GPATCH2: variants seen among roughly 807,000 people sequenced by gnomAD.
The protein encoded by GPATCH2 is G-patch domain containing 2.
A neutral mutation model predicts 58.0 loss-of-function variants in GPATCH2; 51 were observed. That is an observed-to-expected ratio of 0.88 (90% CI 0.70 to 1.11). The LOEUF (loss-of-function observed/expected upper bound fraction) is 1.11, where lower values mean the gene tolerates loss of function less well. Among genes scored for constraint, GPATCH2 ranks in the 50% most tolerant of loss-of-function variants. The pLI is 0.00. For missense variants in GPATCH2, 625 were observed against 652.2 expected, an observed-to-expected ratio of 0.96 and a Z score of 0.45; for synonymous variants, 222 against 218.5, an observed-to-expected ratio of 1.02 and a Z score of -0.14.
Position 217,621,764 on chromosome 1 carries a change from G to A in GPATCH2, c.57-1265C>T, listed in dbSNP as rs117843889. On this transcript the variant is annotated intron_variant, in intron 1 of 9. Coordinates refer to ENST00000366935, the MANE Select transcript of GPATCH2 (RefSeq NM_018040.5). ...CTTATAACAGCTTTCAACTTTTGTC[G>A]TTTCATTTTAATAACCTAAAAACAA... Among the ~76,000 whole-genome samples the A allele has an allele frequency of 4.1e-4, 62 of 152,170 alleles. 1 individual carries two copies. The highest frequency in any genetic ancestry group is 1.4e-3 in the East Asian group (7 of 5,184).
chr1:217,564,074 A>G (rs1666075201), intron 5 of GPATCH2, among the ~76,000 whole-genome samples: 1 of 147,278 alleles, frequency 6.8e-6, no homozygotes, highest in Non-Finnish European at 1.5e-5. Context: ...AAAAAAAAGA[A>G]GTATGTATAA....
intron 8 of GPATCH2, among the ~76,000 whole-genome samples, chr1:217,478,575 ACAGT>A (rs1661068953): frequency 6.6e-6 from 1 of 152,144 alleles, no homozygotes; most frequent in Non-Finnish European, 1.5e-5. Flanking sequence ...CTAAAAATAC[ACAGT>A]CAGAAGAGAC....
chr1:217,526,646 TCA>T (rs527735968), intron 5 of GPATCH2, among the ~76,000 whole-genome samples: 21 of 152,318 alleles, frequency 1.4e-4, no homozygotes, highest in African/African-American at 5.1e-4. Context: ...AAGTAAATAA[TCA>T]CAGTCAGACT....
At chr1:217,531,789 A>G (rs1664202234) in intron 5 of GPATCH2, among the ~76,000 whole-genome samples, 1 of 152,186 alleles carries the variant, frequency 6.6e-6, no homozygotes, top group African/African-American at 2.4e-5. Flanking sequence ...AAGAAATTTG[A>G]TGACAGAAAG....
chr1:217,476,376 A>G (rs1213586473), intron 8 of GPATCH2, among the ~76,000 whole-genome samples: 1 of 152,046 alleles, frequency 6.6e-6, no homozygotes, highest in East Asian at 1.9e-4. Context: ...CACCAATGTA[A>G]CAACTATCTA....
At chr1:217,498,154 T>C (rs1486532216) in intron 7 of GPATCH2, 7 of 657,426 alleles carry the variant, frequency 1.1e-5, no homozygotes, top group Non-Finnish European at 1.9e-5. Flanking sequence ...ACAGTGGCAG[T>C]AAAGGAAAGA....
At position 217,609,820 on chromosome 1, in the gene GPATCH2, G is replaced by A. The variant is rs1296716722; in HGVS notation, c.1098+501C>T. 3 of 994,304 alleles carry A rather than the reference G, an allele frequency of 3.0e-6. No homozygotes were observed. In the East Asian group the frequency reaches 2.9e-4, roughly 97 times the overall value. The allele number at this position is 994,304 out of a possible 1,614,324, so 61.6% of individuals were successfully genotyped here. Reference sequence around the variant, plus strand: ...TTAAGGAATACTTGTCGATCTGGAAGTTTAAAATTTTCTAGCTTTGTTAGC... The same window carrying A: ...TTAAGGAATACTTGTCGATCTGGAAATTTAAAATTTTCTAGCTTTGTTAGC... On this transcript the variant is annotated intron_variant, in intron 5 of 9. Transcript: ENST00000366935.
chr1:217,591,201 T>C (rs1166781271), intron 5 of GPATCH2, among the ~76,000 whole-genome samples: 2 of 152,200 alleles, frequency 1.3e-5, no homozygotes, highest in East Asian at 1.9e-4. Context: ...GGAACATATA[T>C]ATATGATGAA....
At chr1:217,609,516 A>G in intron 5 of GPATCH2, 1 of 984,306 alleles carries the variant, frequency 1.0e-6, no homozygotes, top group Non-Finnish European at 1.2e-6. Context: ...CAGTACAATG[A>G]AAGCTATACT....
At chr1:217,433,441 G>A (rs1284517937) in intron 9 of GPATCH2, among the ~76,000 whole-genome samples, 2 of 149,868 alleles carry the variant, frequency 1.3e-5, no homozygotes, top group African/African-American at 2.5e-5. Context: ...CTGTTGCCCA[G>A]GCCAGAGTGC....
chr1:217,494,875 C>T (rs954285068), intron 7 of GPATCH2: 4 of 150,452 alleles, frequency 2.7e-5, no homozygotes, highest in South Asian at 2.1e-4. Context: ...TTTCATTCTT[C>T]TTCTTGATAC....
At chr1:217,537,395 A>G (rs1421167031) in intron 5 of GPATCH2, among the ~76,000 whole-genome samples, 1 of 152,128 alleles carries the variant, frequency 6.6e-6, no homozygotes, top group African/African-American at 2.4e-5. Flanking sequence ...ATTGAAATTA[A>G]TTATCTTAAG....
chr1:217,453,309 C>G (rs1237998059), intron 8 of GPATCH2, among the ~76,000 whole-genome samples: 1 of 152,102 alleles, frequency 6.6e-6, no homozygotes, highest in Non-Finnish European at 1.5e-5. Context: ...ATCAGAAAAA[C>G]ACCAATCAAC....
At chr1:217,518,391 A>G (rs1449271914) in intron 5 of GPATCH2, among the ~76,000 whole-genome samples, 1 of 152,208 alleles carries the variant, frequency 6.6e-6, no homozygotes, top group Admixed American at 6.5e-5. Flanking sequence ...CTGTTCTCTC[A>G]AAGTTATAAG....
At chr1:217,471,238 G>T (rs886461413) in intron 8 of GPATCH2, among the ~76,000 whole-genome samples, 7 of 152,060 alleles carry the variant, frequency 4.6e-5, no homozygotes, top group African/African-American at 1.7e-4. Flanking sequence ...AGCATCACTT[G>T]CTATTGTTGA....
At chr1:217,627,646 T>A (rs986552570) in intron 1 of GPATCH2, among the ~76,000 whole-genome samples, 1 of 152,070 alleles carries the variant, frequency 6.6e-6, no homozygotes, top group Non-Finnish European at 1.5e-5. Context: ...TTTGTTACCA[T>A]AGGAACTTTC....
chr1:217,522,656 A>C (rs1157255981), intron 5 of GPATCH2, among the ~76,000 whole-genome samples: 2 of 152,198 alleles, frequency 1.3e-5, no homozygotes, highest in African/African-American at 4.8e-5. Context: ...TGGTGTAAAA[A>C]ACTTCCATCA....
chr1:217,543,332 C>G (rs955107370), intron 5 of GPATCH2, among the ~76,000 whole-genome samples: 38 of 147,410 alleles, frequency 2.6e-4, no homozygotes, highest in African/African-American at 9.3e-4. Context: ...TGCAGTGGCG[C>G]AATCTCGGCT....
chr1:217,503,564 G>A (rs1397195817), intron 6 of GPATCH2, among the ~76,000 whole-genome samples: 1 of 152,134 alleles, frequency 6.6e-6, no homozygotes, highest in East Asian at 1.9e-4. Context: ...GGGAGTGAAA[G>A]TATATTTGGA....
Sources: allele counts gnomAD v4.1 joint callset (sites outside exome capture counted in the v4.1 genomes callset), GRCh38; gene constraint gnomAD v4.1.1; transcripts MANE v1.5; gene names NCBI Gene and HGNC (gene_info 2026-07-23, HGNC 2026-07-21).